The following ITGAM variants were observed in gnomAD, a reference collection of about 807,000 sequenced individuals.
ITGAM encodes integrin subunit alpha M.
ITGAM carries 79 observed loss-of-function variants against 137.5 expected under a neutral mutation model. The observed-to-expected ratio is 0.57, with a 90% CI of 0.48 to 0.69. The LOEUF is 0.69. Among genes scored for constraint, ITGAM ranks in the 30% least tolerant of loss-of-function variants. The pLI is 0.00. For missense variants in ITGAM, 1,343 were observed against 1,483.5 expected, an observed-to-expected ratio of 0.91 and a Z score of 1.56; for synonymous variants, 583 against 592.3, an observed-to-expected ratio of 0.98 and a Z score of 0.23.
At chr16:31,270,103 ATCCTTCCT>A (rs371263313) in intron 5 of ITGAM, among the ~76,000 whole-genome samples, 9 of 140,144 alleles carry the variant, frequency 6.4e-5, no homozygotes, top group Middle Eastern at 3.5e-3. Flanking sequence ...TATCTGGCAA[ATCCTTCCT>A]TCCTTCCTTC....
At chr16:31,278,661 A>G (rs748414554) in intron 12 of ITGAM, among the ~76,000 whole-genome samples, 15 of 151,950 alleles carry the variant, frequency 9.9e-5, no homozygotes, top group East Asian at 7.7e-4. Flanking sequence ...GTGAGGCAAA[A>G]CTCTCTAGTC....
rs747449390 is a variant in ITGAM at position 31,331,278 on chromosome 16, G to T, written c.3387+3G>T. 6.9e-7 allele frequency: 1 copy of T among 1,458,684 alleles called. No individual in the cohort carries two copies. 90.4% of individuals were successfully genotyped at this position (1,458,684 alleles called of 1,614,324 possible). On this transcript the variant is annotated splice_donor_region_variant and intron_variant, in intron 29 of 29. Coordinates refer to ENST00000544665, the MANE Select transcript of ITGAM (RefSeq NM_000632.4). ...TCATCACCGCCGCGCTGTACAAGGT[G>T]CTCCCCGCTGCTCCCCCACCCCCTC... is the stretch of plus-strand genomic sequence containing the variant.
In ITGAM at chr16:31,273,510, G is replaced by A. The variant is rs749635901; in HGVS notation, c.850G>A (p.Val284Ile). 9 of 1,613,570 alleles carry A rather than the reference G, an allele frequency of 5.6e-6. No individual in the cohort carries two copies. Among genetic ancestry groups the A allele is most frequent in the South Asian group, 2.2e-5 (2 of 91,068 alleles). The part of the protein sequence containing the change: ...EADREGVIRY[V>I]IGVGDAFRSE... ...AGACAGAGAGGGAGTCATTCGCTAC[G>A]TCATTGGGGTAGGGAATGCAGCTCT... The change falls in exon 8 of 30, where the codon GTC becomes ATC. Residue 284 changes from valine (V) to isoleucine (I), a missense_variant. Physicochemically the swap from Val to Ile is conservative, Grantham distance 29. Transcript: ENST00000544665.
intron 14 of ITGAM, 57 bp downstream of exon 14, chr16:31,298,011 T>A: frequency 7.2e-7 from 1 of 1,389,912 alleles, no homozygotes; most frequent in Non-Finnish European, 1.0e-6. Flanking sequence ...ATCTTTCTCC[T>A]AATTCAGTGT....
At chr16:31,305,166 C>A (rs1301377725) in intron 14 of ITGAM, among the ~76,000 whole-genome samples, 1 of 151,810 alleles carries the variant, frequency 6.6e-6, no homozygotes, top group East Asian at 1.9e-4. Context: ...TTGTAGGGAG[C>A]TTCACCTCCT....
At chr16:31,311,890 G>A (rs2080336266) in intron 14 of ITGAM, among the ~76,000 whole-genome samples, 2 of 152,046 alleles carry the variant, frequency 1.3e-5, no homozygotes, top group African/African-American at 4.8e-5. Context: ...CAACCCAAAT[G>A]TTCAACAATG....
intron 12 of ITGAM, 80 bp downstream of exon 12, chr16:31,278,189 G>A: frequency 2.1e-6 from 3 of 1,423,132 alleles, no homozygotes; most frequent in South Asian, 1.3e-5. Context: ...GCATTCAGAT[G>A]ACATGCATGG....
Position 31,325,596 on chromosome 16 carries a change from C to T in ITGAM, c.2602C>T (p.His868Tyr), listed in dbSNP as rs1416007898. 7.4e-6 allele frequency: 12 copies of T among 1,613,942 alleles called. No individual in the cohort carries two copies. Among genetic ancestry groups the T allele is most frequent in the Non-Finnish European group, 1.0e-5 (12 of 1,179,868 alleles). The change falls in exon 21 of 30, where the codon CAC becomes TAC. Residue 868 changes from histidine to tyrosine, a missense_variant. Physicochemically the swap from His to Tyr is moderately conservative, Grantham distance 83. Transcript: ENST00000544665. ...GAAGAGCACCAGCTGCAGCATAAAC[C>T]ACCCCATCTTCCCGGAAAACTCAGA... ...ALKSTSCSIN[H>Y]PIFPENSEVT...
chr16:31,268,515 C>T (rs966938853), intron 5 of ITGAM, among the ~76,000 whole-genome samples: 3 of 151,966 alleles, frequency 2.0e-5, no homozygotes, highest in Admixed American at 1.3e-4. Context: ...TGCAATTAGC[C>T]AGGCATGGTG....
chr16:31,276,709 ATG>A lies in ITGAM; in HGVS notation c.1050_1051del (p.Met350IlefsTer12), dbSNP rs1567252915. 6.2e-7 allele frequency: 1 copy of A among 1,611,984 alleles called. No individual in the cohort carries two copies. The highest frequency in any genetic ancestry group is 8.5e-7 in the Non-Finnish European group (1 of 1,179,068). On this transcript the variant is annotated frameshift_variant, in exon 10 of 30. Transcript: ENST00000544665. LOFTEE classifies it high-confidence loss of function. The part of the protein sequence containing the change: ...TGSSSSFEHE[M>X]SQEGFSAAIT... ...AAGTAGCAGCTCCTTTGAGCATGAGATGTCTCAGGAAGGCTTCAGCGCTGCCA... is the reference window on the plus strand; with the variant it reads ...AAGTAGCAGCTCCTTTGAGCATGAGATCTCAGGAAGGCTTCAGCGCTGCCA...
At chr16:31,311,106 T>G (rs1165979948) in intron 14 of ITGAM, among the ~76,000 whole-genome samples, 8 of 152,208 alleles carry the variant, frequency 5.3e-5, no homozygotes, top group Admixed American at 1.3e-4. Context: ...ACTGGATCCC[T>G]TCCTTACACC....
intron 14 of ITGAM, among the ~76,000 whole-genome samples, chr16:31,302,932 CTTTCTTT>C: frequency 1.9e-5 from 1 of 52,786 alleles, no homozygotes; most frequent in African/African-American, 7.4e-5. Flanking sequence ...TTCTTTCTTT[CTTTCTTT>C]CTTTCTTTCT....
intron 14 of ITGAM, among the ~76,000 whole-genome samples, chr16:31,302,843 CTCTTTCTTTCT>C (rs1293219867): frequency 2.0e-5 from 3 of 151,010 alleles, no homozygotes; most frequent in African/African-American, 2.5e-5. Flanking sequence ...CTTTTTCTTT[CTCTTTCTTTCT>C]TCTTTCTTTC....
In ITGAM at chr16:31,324,443, G is replaced by T; in HGVS notation, c.2047G>T (p.Gly683Cys). ...VVTYDLALDS[G>C]RPHSRAVFNE... ...GACTTATGACCTGGCTCTGGACTCC[G>T]GCCGCCCACATTCCCGCGCCGTCTT... Residue 683 changes from glycine to cysteine, a missense_variant, in exon 17 of 30, where the codon GGC becomes TGC. Gly to Cys is a radical substitution (Grantham distance 159). Transcript: ENST00000544665. This position sits in a 1 kb window ranked among gnomAD's most constrained non-coding sequence, Gnocchi z 4.5. 1.3e-6 allele frequency: 2 copies of T among 1,555,942 alleles called. No homozygotes were observed. Among genetic ancestry groups the T allele is most frequent in the Non-Finnish European group, 1.7e-6 (2 of 1,149,662 alleles).
chr16:31,317,629 A>T (rs1001006658), intron 14 of ITGAM, among the ~76,000 whole-genome samples: 1 of 152,206 alleles, frequency 6.6e-6, no homozygotes, highest in South Asian at 2.1e-4. Flanking sequence ...AAGCTAAGAC[A>T]GATGTTTAGT....
rs766549277 is a variant in ITGAM, at chr16:31,325,355, CCTT to C, written c.2464_2466del (p.Phe822del). On this transcript the variant is annotated inframe_deletion, in exon 20 of 30. Transcript: ENST00000544665. ...GAGGACTCCTACAGGACACAGGTCA[CCTT>C]CTTCTTCCCGCTTGACCTGTCCTAC... 1.9e-5 allele frequency: 31 copies of C among 1,613,948 alleles called. No homozygotes were observed. The Middle Eastern group carries it at 6.6e-4, about 34-fold the overall frequency.
chr16:31,259,993 C>T lies in ITGAM; in HGVS notation c.-72C>T. On this transcript the variant is annotated 5_prime_UTR_variant, in exon 1 of 30. Transcript: ENST00000544665. ...TTTCTGCCCTTCTTTGCTTTGGTGGCTTCCTTGTGGTTCCTCAGTGGTGCC... is the reference window on the plus strand; with the variant it reads ...TTTCTGCCCTTCTTTGCTTTGGTGGTTTCCTTGTGGTTCCTCAGTGGTGCC... 7.5e-7 allele frequency: 1 copy of T among 1,339,100 alleles called. No individual in the cohort carries two copies. Among genetic ancestry groups the T allele is most frequent in the Non-Finnish European group, 1.1e-6 (1 of 950,708 alleles). 83.0% of individuals were successfully genotyped at this position (1,339,100 alleles called of 1,614,324 possible). A position where few individuals can be genotyped will look rare whatever the true frequency, so the allele number is the denominator to read the frequency against.
Position 31,273,512 on chromosome 16 carries a change from C to A in ITGAM, c.852C>A (p.Val284=), listed in dbSNP as rs1467787682. The A allele has an allele frequency of 6.2e-7, 1 of 1,613,576 alleles. No homozygotes were observed. The highest frequency in any genetic ancestry group is 8.5e-7 in the Non-Finnish European group (1 of 1,179,628). Residue 284 remains valine, a synonymous_variant, in exon 8 of 30, where the codon GTC becomes GTA. Coordinates refer to ENST00000544665, the MANE Select transcript of ITGAM (RefSeq NM_000632.4). ...EADREGVIRY[V]IGVGDAFRSE... is the part of the protein sequence containing the mutation. ...ACAGAGAGGGAGTCATTCGCTACGT[C>A]ATTGGGGTAGGGAATGCAGCTCTCA...
intron 14 of ITGAM, among the ~76,000 whole-genome samples, chr16:31,301,110 T>C (rs1219715622): frequency 6.6e-6 from 1 of 152,222 alleles, no homozygotes; most frequent in African/African-American, 2.4e-5. Context: ...TAGTTATTTT[T>C]GTCGTCTGTA....
Sources: allele counts gnomAD v4.1 joint callset (sites outside exome capture counted in the v4.1 genomes callset), GRCh38; gene constraint gnomAD v4.1.1; non-coding constraint Gnocchi (gnomAD v3.1); transcripts MANE v1.5; gene names NCBI Gene and HGNC (gene_info 2026-07-23, HGNC 2026-07-21).